CSMD2: variants seen among roughly 807,000 people sequenced by gnomAD.
CSMD2 encodes CUB and sushi domain-containing protein 2.
CSMD2 carries 130 observed loss-of-function variants against 398.5 expected under a neutral mutation model. That is an observed-to-expected ratio of 0.33 (90% CI 0.28 to 0.38). The LOEUF (loss-of-function observed/expected upper bound fraction) is 0.38, where lower values mean the gene tolerates loss of function less well. Ranked by LOEUF, CSMD2 falls within the 10% of genes least tolerant of loss-of-function variation. The pLI, the probability that CSMD2 is intolerant of heterozygous loss-of-function variation, is 1.00. For synonymous variants in CSMD2, 1,828 were observed against 1,908.5 expected (o/e 0.96, Z 1.10); for missense variants, 3,829 against 4,764.9 (o/e 0.80, Z 5.78).
intron 56 of CSMD2, among the ~76,000 whole-genome samples, chr1:33,546,457 A>G (rs145401770): frequency 6.6e-6 from 1 of 152,346 alleles, no homozygotes; most frequent in East Asian, 1.9e-4. Flanking sequence ...AAGAAGGCAG[A>G]GGAAAGGCTC....
chr1:34,052,008 T>C (rs1653224796), intron 2 of CSMD2, among the ~76,000 whole-genome samples: 1 of 152,100 alleles, frequency 6.6e-6, no homozygotes, highest in Non-Finnish European at 1.5e-5. Flanking sequence ...AGGTACTCTC[T>C]CTGACTGTCT....
chr1:34,047,904 C>G (rs1239506293), intron 2 of CSMD2, among the ~76,000 whole-genome samples: 1 of 152,224 alleles, frequency 6.6e-6, no homozygotes, highest in Non-Finnish European at 1.5e-5. Flanking sequence ...CCAGATGTTC[C>G]TCCTCCACTT....
In CSMD2 at chr1:33,772,655, C is replaced by T; in HGVS notation, c.1760G>A (p.Cys587Tyr). ...FHHGDTLKFECQPAFELVGQK... is the reference protein window; with the variant it reads ...FHHGDTLKFEYQPAFELVGQK... ...TCCCACCAGCTCAAAGGCGGGCTGGCACTCAAACTTGAGTGTGTCACCGTG... is the reference window on the plus strand; with the variant it reads ...TCCCACCAGCTCAAAGGCGGGCTGGTACTCAAACTTGAGTGTGTCACCGTG... The change falls in exon 13 of 71, where the codon TGC (cysteine) becomes TAC (tyrosine). Residue 587 changes from cysteine (C) to tyrosine (Y), a missense_variant. Coordinates refer to ENST00000373381, the MANE Select transcript of CSMD2 (RefSeq NM_001281956.2). 6.2e-7 allele frequency: 1 copy of T among 1,614,174 alleles called. No homozygotes were observed. Among genetic ancestry groups the T allele is most frequent in the Non-Finnish European group, 8.5e-7 (1 of 1,180,014 alleles).
rs546167784 is a variant in CSMD2, at chr1:33,839,722, C to G, written c.1033+7162G>C. The G allele has an allele frequency of 5.3e-5, 8 of 152,286 alleles. 1 individual carries two copies. The highest frequency in any genetic ancestry group is 1.9e-4 in the African/African-American group (8 of 41,552). 9.4% of individuals were successfully genotyped at this position (152,286 alleles called of 1,614,324 possible). On this transcript the variant is annotated intron_variant, in intron 6 of 70. Transcript: ENST00000373381. ...ACAGAGTCAGATACACTGAATGTTA[C>G]AGGAGTTACAATTGAAAAAGATATC...
chr1:33,790,792 ATCTC>A lies in CSMD2; in HGVS notation c.1550+1627_1550+1630del, dbSNP rs1394757545. 2.7e-5 allele frequency among the ~76,000 whole-genome samples: 4 copies of A among 146,262 alleles called. No individual in the cohort carries two copies. In the South Asian group the frequency reaches 6.6e-4, roughly 24 times the overall value. ...ATCATCTATCAATCAATCGTCTATC[ATCTC>A]TCTAATATCTATCTATCTATCTATC... On this transcript the variant is annotated intron_variant, in intron 11 of 70. Coordinates refer to ENST00000373381, the MANE Select transcript of CSMD2 (RefSeq NM_001281956.2).
intron 3 of CSMD2, among the ~76,000 whole-genome samples, chr1:34,023,472 G>C (rs1649206408): frequency 6.6e-6 from 1 of 152,208 alleles, no homozygotes; most frequent in African/African-American, 2.4e-5. Flanking sequence ...ATCCAGGTCA[G>C]GAGATGCAAG....
At chr1:33,890,232 C>CTT (rs11417145) in intron 5 of CSMD2, among the ~76,000 whole-genome samples, 2,098 of 130,346 alleles carry the variant, frequency 0.016, 71 homozygotes, top group East Asian at 0.054. Context: ...CTTTTTCTTT[C>CTT]TTTTTTTTTT....
chr1:34,108,385 T>G (rs1660730137), intron 1 of CSMD2, among the ~76,000 whole-genome samples: 1 of 152,182 alleles, frequency 6.6e-6, no homozygotes, highest in African/African-American at 2.4e-5. Context: ...TCAAGTCCCT[T>G]AGTCACTTAT....
intron 1 of CSMD2, among the ~76,000 whole-genome samples, chr1:34,101,799 T>A (rs74068055): frequency 0.018 from 2,751 of 152,248 alleles, 50 homozygotes; most frequent in East Asian, 0.054. Context: ...GCATGTGCTA[T>A]ATATGTGTTT....
At chr1:33,923,125 G>C (rs1229726157) in intron 4 of CSMD2, among the ~76,000 whole-genome samples, 1 of 151,872 alleles carries the variant, frequency 6.6e-6, no homozygotes, top group Non-Finnish European at 1.5e-5. Context: ...ATTTTTATGG[G>C]GTATGCGTGT....
intron 4 of CSMD2, among the ~76,000 whole-genome samples, chr1:33,923,191 C>T (rs6682772): frequency 0.32 from 48,675 of 151,956 alleles, 8,321 homozygotes; most frequent in African/African-American, 0.45. Flanking sequence ...CCAAATCTCA[C>T]GTTGAAATGT....
chr1:33,922,711 C>A (rs771578456), intron 4 of CSMD2, among the ~76,000 whole-genome samples: 3 of 152,104 alleles, frequency 2.0e-5, no homozygotes, highest in Non-Finnish European at 4.4e-5. Flanking sequence ...CAGGGGACAT[C>A]CTCAACTCCT....
At chr1:33,647,149 G>A (rs1341214241) in intron 28 of CSMD2, among the ~76,000 whole-genome samples, 1 of 152,180 alleles carries the variant, frequency 6.6e-6, no homozygotes, top group Non-Finnish European at 1.5e-5. Context: ...TGGACACCAA[G>A]CTGTCAACCA....
intron 32 of CSMD2, among the ~76,000 whole-genome samples, chr1:33,631,229 G>A (rs1642449241): frequency 1.3e-5 from 2 of 152,150 alleles, no homozygotes; most frequent in South Asian, 2.1e-4. Context: ...ATACAAAGCA[G>A]GGTAAACATC....
intron 2 of CSMD2, among the ~76,000 whole-genome samples, chr1:34,052,680 T>G (rs1006098625): frequency 6.6e-6 from 1 of 152,110 alleles, no homozygotes; most frequent in Non-Finnish European, 1.5e-5. Context: ...GCAAACTCCA[T>G]TTAGAACAAG....
At chr1:34,018,376 C>A (rs1648425738) in intron 3 of CSMD2, among the ~76,000 whole-genome samples, 1 of 152,198 alleles carries the variant, frequency 6.6e-6, no homozygotes, top group Non-Finnish European at 1.5e-5. Flanking sequence ...TAACTTTCTT[C>A]TTCTGTTGAA....
At position 33,716,461 on chromosome 1, in the gene CSMD2, G is replaced by A. The variant is rs371831197; in HGVS notation, c.3042C>T (p.Gly1014=). 9.1e-5 allele frequency: 147 copies of A among 1,613,764 alleles called. 1 individual carries two copies. Among genetic ancestry groups the A allele is most frequent in the Non-Finnish European group, 1.2e-4 (145 of 1,180,002 alleles). The change falls in exon 20 of 71, where the codon GGC becomes GGT. Residue 1014 remains glycine, a synonymous_variant. Coordinates refer to ENST00000373381, the MANE Select transcript of CSMD2 (RefSeq NM_001281956.2). The part of the protein sequence containing the change: ...FTFHTFHLES[G]HDYLLITENG... ...TCTCAGTGATGAGGAGGTAGTCATGGCCACTTTCCAGGTGGAAGGTGTGGA... is the reference window on the plus strand; with the variant it reads ...TCTCAGTGATGAGGAGGTAGTCATGACCACTTTCCAGGTGGAAGGTGTGGA...
chr1:34,128,385 A>G (rs1179025754), intron 1 of CSMD2, among the ~76,000 whole-genome samples: 1 of 152,194 alleles, frequency 6.6e-6, no homozygotes, highest in African/African-American at 2.4e-5. Context: ...CTGTACCCGC[A>G]GGAAGGGATG....
chr1:33,536,459 A>G (rs1281561073), intron 62 of CSMD2, among the ~76,000 whole-genome samples: 2 of 152,160 alleles, frequency 1.3e-5, no homozygotes, highest in South Asian at 4.1e-4. Context: ...TCCTGACCTC[A>G]TGATCCACCC....
Sources: allele counts gnomAD v4.1 joint callset (sites outside exome capture counted in the v4.1 genomes callset), GRCh38; gene constraint gnomAD v4.1.1; transcripts MANE v1.5; gene names NCBI Gene and HGNC (gene_info 2026-07-23, HGNC 2026-07-21).